Variants in FRMPD4 observed in about 807,000 individuals in gnomAD.
FRMPD4 encodes the protein FERM and PDZ domain containing 4, also known as FERM and PDZ domain-containing protein 4.
FRMPD4 carries 22 observed loss-of-function variants against 94.1 expected under a neutral mutation model. That is an observed-to-expected ratio of 0.23 (90% CI 0.17 to 0.33). The LOEUF (loss-of-function observed/expected upper bound fraction) is 0.33, where lower values mean the gene tolerates loss of function less well. Ranked by LOEUF, FRMPD4 falls within the 10% of genes least tolerant of loss-of-function variation. The probability of loss-of-function intolerance (pLI) is 1.00; values close to 1 mark genes in which losing one functional copy is unlikely to be tolerated. For missense variants in FRMPD4, 1,111 were observed against 1,339.9 expected, an observed-to-expected ratio of 0.83 and a Z score of 2.67; for synonymous variants, 631 against 548.6, an observed-to-expected ratio of 1.15 and a Z score of -2.10.
chrX:12,167,019 G>A (rs1427602409), intron 1 of FRMPD4, among the ~76,000 whole-genome samples: 3 of 110,935 alleles, frequency 2.7e-5, no homozygotes, highest in Non-Finnish European at 5.7e-5. Context: ...GGATTCATTG[G>A]TTTTTTGAAG....
At chrX:12,034,923 G>C (rs1243755730) in intron 3 of FRMPD4, among the ~76,000 whole-genome samples, 1 of 111,911 alleles carries the variant, frequency 8.9e-6, no homozygotes, top group African/African-American at 3.3e-5. Context: ...ACTGTAAAAG[G>C]TATGCGGTGG....
At chrX:12,324,682 T>G (rs763230827) in intron 1 of FRMPD4, among the ~76,000 whole-genome samples, 3 of 112,297 alleles carry the variant, frequency 2.7e-5, no homozygotes, top group African/African-American at 9.7e-5. Context: ...CTAGATTCTT[T>G]CACTTAGATT....
chrX:12,654,341 A>G (rs192479749), intron 4 of FRMPD4, among the ~76,000 whole-genome samples: 2 of 111,335 alleles, frequency 1.8e-5, no homozygotes, highest in African/African-American at 6.5e-5. Context: ...TATCACACTT[A>G]TAGGTAGGTA....
At chrX:12,358,276 C>T (rs757168936) in intron 1 of FRMPD4, among the ~76,000 whole-genome samples, 1 of 111,246 alleles carries the variant, frequency 9.0e-6, no homozygotes, top group African/African-American at 3.3e-5. Flanking sequence ...CCCACCCCTC[C>T]TAGGTATAGA....
rs143697349 is a variant in FRMPD4 at position 12,356,016 on chromosome X, A to G, written c.42-142664A>G. Among the ~76,000 whole-genome samples, 50 of 111,846 alleles carry G rather than the reference A, an allele frequency of 4.5e-4. No individual in the cohort carries two copies. The East Asian group carries it at 0.013, about 28-fold the overall frequency. On this transcript the variant is annotated intron_variant, in intron 1 of 16. Coordinates refer to ENST00000675598, the MANE Select transcript of FRMPD4 (RefSeq NM_001368397.1). ...ATGGGAGGGGAGAAGAGGCCCGGCT[A>G]GCAAAGAGGATCTTATTGTGTAGAT... is the stretch of plus-strand genomic sequence containing the variant.
intron 1 of FRMPD4, among the ~76,000 whole-genome samples, chrX:12,379,642 CGTGTGTGTGTGTGTGTGTGTGTGTGT>C (rs55742933): frequency 1.1e-5 from 1 of 89,971 alleles, no homozygotes. Context: ...GATATGCTGC[CGTGTGTGTGTGTGTGTGTGTGTGTGT>C]GTGTGTGTGT....
intron 3 of FRMPD4, among the ~76,000 whole-genome samples, chrX:12,103,146 C>A (rs1233964947): frequency 4.5e-5 from 5 of 111,445 alleles, no homozygotes; most frequent in Non-Finnish European, 9.4e-5. Context: ...GTAAGAGTCA[C>A]ACTGCCTCAG....
At chrX:12,227,657 C>T (rs929845524) in intron 1 of FRMPD4, among the ~76,000 whole-genome samples, 1 of 110,806 alleles carries the variant, frequency 9.0e-6, no homozygotes, top group African/African-American at 3.3e-5. Context: ...AAATATTAGC[C>T]AAGTGTGATG....
intron 1 of FRMPD4, among the ~76,000 whole-genome samples, chrX:12,318,248 A>G (rs147510486): frequency 8.9e-6 from 1 of 112,797 alleles, no homozygotes; most frequent in African/African-American, 3.2e-5. Context: ...GGAGCTGACC[A>G]GCTGAGGCAG....
intron 4 of FRMPD4, among the ~76,000 whole-genome samples, chrX:12,649,194 T>C (rs2059574886): frequency 9.0e-6 from 1 of 111,600 alleles, no homozygotes; most frequent in South Asian, 3.8e-4. Context: ...AATGATAGGC[T>C]CAGACAGAAG....
chrX:12,549,605 T>C (rs1310563091), intron 2 of FRMPD4, among the ~76,000 whole-genome samples: 1 of 112,320 alleles, frequency 8.9e-6, no homozygotes, highest in East Asian at 2.8e-4. Flanking sequence ...TTTGCCAACC[T>C]CTGCATCTGG....
intron 3 of FRMPD4, among the ~76,000 whole-genome samples, chrX:12,121,196 G>T (rs1165155265): frequency 2.8e-5 from 3 of 108,748 alleles, no homozygotes; most frequent in Non-Finnish European, 5.7e-5. Flanking sequence ...GTTTTTGGAG[G>T]CTACGTGATG....
At chrX:12,402,113 G>A (rs145784376) in intron 1 of FRMPD4, among the ~76,000 whole-genome samples, 464 of 111,451 alleles carry the variant, frequency 4.2e-3, no homozygotes, top group Non-Finnish European at 7.0e-3. Context: ...GAGAATAAGA[G>A]GTTGAGGAGA....
intron 3 of FRMPD4, among the ~76,000 whole-genome samples, chrX:11,941,748 G>T (rs1326259070): frequency 8.9e-6 from 1 of 112,089 alleles, no homozygotes; most frequent in African/African-American, 3.2e-5. Context: ...CTAAAGGCAT[G>T]GAAGTTATTT....
chrX:12,443,900 A>C (rs764667590), intron 1 of FRMPD4, among the ~76,000 whole-genome samples: 25 of 111,861 alleles, frequency 2.2e-4, no homozygotes, highest in Non-Finnish European at 3.8e-4. Context: ...TTCTTTGAAA[A>C]ACTTCAACTT....
intron 14 of FRMPD4, among the ~76,000 whole-genome samples, chrX:12,713,565 C>G (rs764972203): frequency 4.5e-5 from 5 of 110,641 alleles, no homozygotes; most frequent in South Asian, 3.9e-4. Context: ...AACTGATAGA[C>G]CTAGGTTGAG....
At chrX:12,358,763 G>A (rs1261251927) in intron 1 of FRMPD4, among the ~76,000 whole-genome samples, 1 of 111,817 alleles carries the variant, frequency 8.9e-6, no homozygotes, top group Non-Finnish European at 1.9e-5. Flanking sequence ...AAGCGGAAAA[G>A]GGATGGCTTC....
At chrX:12,455,828 A>AACTT (rs919912185) in intron 1 of FRMPD4, among the ~76,000 whole-genome samples, 7 of 112,039 alleles carry the variant, frequency 6.2e-5, no homozygotes, top group African/African-American at 1.6e-4. Flanking sequence ...ATTTTTAGTG[A>AACTT]ACTTACACAT....
intron 3 of FRMPD4, among the ~76,000 whole-genome samples, chrX:11,922,488 G>A (rs1325387485): frequency 8.9e-6 from 1 of 112,004 alleles, no homozygotes; most frequent in Non-Finnish European, 1.9e-5. Context: ...TTCAACATGA[G>A]ATTTGGGACA....
Sources: allele counts gnomAD v4.1 joint callset (sites outside exome capture counted in the v4.1 genomes callset), GRCh38; gene constraint gnomAD v4.1.1; transcripts MANE v1.5; gene names NCBI Gene and HGNC (gene_info 2026-07-23, HGNC 2026-07-21).